Variants in SLC13A2 observed in about 807,000 individuals in gnomAD.
SLC13A2 encodes the protein Na(+)-coupled citrate transporter.
Under a neutral mutation model 58.5 loss-of-function variants are expected in SLC13A2, and 40 were observed. The ratio of observed to expected loss-of-function variants is 0.68; its 90% CI spans 0.53 to 0.89. SLC13A2 has a LOEUF of 0.89. Ranked by LOEUF, SLC13A2 falls within the 40% of genes least tolerant of loss-of-function variation. SLC13A2 has a pLI of 0.00. For missense variants in SLC13A2, 694 were observed against 772.6 expected (o/e 0.90, Z 1.21); for synonymous variants, 341 against 331.6 (o/e 1.03, Z -0.31).
Position 28,493,606 on chromosome 17 carries a change from A to C in SLC13A2, c.914A>C (p.Gln305Pro), listed in dbSNP as rs202060215. ...RKNFGIGEKM[Q>P]EQQQAAYCVI... ...AACTTTGGCATTGGGGAAAAGATGC[A>C]GGAGCAACAGCAGGCAGCCTACTGC... Residue 305 changes from glutamine to proline, a missense_variant, in exon 7 of 12, where the codon CAG becomes CCG. By Grantham distance (76) the Gln-to-Pro change is moderately conservative (BLOSUM62 -1). Coordinates refer to ENST00000314669, the MANE Select transcript of SLC13A2 (RefSeq NM_003984.4). 4 of 1,609,974 alleles carry C rather than the reference A, an allele frequency of 2.5e-6. No individual in the cohort carries two copies. The African/African-American group carries it at 5.3e-5, about 21-fold the overall frequency.
chr17:28,483,663 C>T (rs532216089), intron 1 of SLC13A2, among the ~76,000 whole-genome samples: 21 of 152,192 alleles, frequency 1.4e-4, no homozygotes, highest in Non-Finnish European at 2.9e-4. Flanking sequence ...TTAAAAAAAC[C>T]TTATTCCTAC....
In SLC13A2 at chr17:28,490,561, C is replaced by A. The variant is rs561026568; in HGVS notation, c.339C>A (p.Val113=). The part of the protein sequence containing the change: ...WNLHKRIALR[V]LLIVGVRPAP... ...TGCATAAACGCATCGCCCTCCGTGTCCTCCTCATCGTTGGGGTGCGGCCTG... is the reference window on the plus strand; with the variant it reads ...TGCATAAACGCATCGCCCTCCGTGTACTCCTCATCGTTGGGGTGCGGCCTG... Residue 113 remains valine, a synonymous_variant, in exon 3 of 12, where the codon GTC becomes GTA. Transcript: ENST00000314669. 2 of 1,608,150 alleles carry A rather than the reference C, an allele frequency of 1.2e-6. No homozygotes were observed. The highest frequency in any genetic ancestry group is 1.3e-5 in the African/African-American group (1 of 74,978).
chr17:28,482,397 T>C (rs1274077372), intron 1 of SLC13A2, among the ~76,000 whole-genome samples: 1 of 152,152 alleles, frequency 6.6e-6, no homozygotes. Flanking sequence ...TAGTCTTATG[T>C]ATTTTATTGG....
chr17:28,476,965 T>C (rs1160148566), intron 1 of SLC13A2, among the ~76,000 whole-genome samples: 3 of 150,820 alleles, frequency 2.0e-5, no homozygotes, highest in Non-Finnish European at 4.4e-5. Context: ...GAGACCAGCC[T>C]GGCCAACATG....
rs1555604196 is a variant in SLC13A2, at chr17:28,494,258, G to A, written c.1187-133G>A. On this transcript the variant is annotated intron_variant, in intron 8 of 11. Transcript: ENST00000314669. The surrounding 1 kb of genome is among the most constrained non-coding windows in gnomAD (Gnocchi z 4.0). ...CACAGGGACTCGGAGACAAAGTTGA[G>A]ATGTTGCAGAACTGAGGGTCCCCTC... 6.5e-7 allele frequency: 1 copy of A among 1,539,226 alleles called. No individual in the cohort carries two copies. The highest frequency in any genetic ancestry group is 2.3e-5 in the East Asian group (1 of 44,228).
At chr17:28,477,400 TA>T (rs2068701546) in intron 1 of SLC13A2, among the ~76,000 whole-genome samples, 1 of 151,676 alleles carries the variant, frequency 6.6e-6, no homozygotes, top group Admixed American at 6.6e-5. Context: ...TTCACCGTGT[TA>T]GCCAGGATGG....
chr17:28,495,780 C>T lies in SLC13A2; in HGVS notation c.1434C>T (p.Ala478=). The T allele has an allele frequency of 1.2e-6, 2 of 1,613,560 alleles. No homozygotes were observed. The highest frequency in any genetic ancestry group is 1.7e-6 in the Non-Finnish European group (2 of 1,179,940). The change falls in exon 10 of 12, where the codon GCC becomes GCT. Residue 478 remains alanine (A), a synonymous_variant. Coordinates refer to ENST00000314669, the MANE Select transcript of SLC13A2 (RefSeq NM_003984.4). ...TCACCGAGTGCACTAGCAACGTGGC[C>T]ACCACTACGATCTTCCTGCCCATCC... ...ATFTECTSNV[A]TTTIFLPILA... is the part of the protein sequence containing the mutation.
rs148394759 is a variant in SLC13A2 at position 28,490,877 on chromosome 17, C to T, written c.545C>T (p.Pro182Leu). The T allele has an allele frequency of 2.5e-6, 4 of 1,613,978 alleles. No homozygotes were observed. The highest frequency in any genetic ancestry group is 3.4e-6 in the Non-Finnish European group (4 of 1,179,962). ...AACCCCACCTTCGAGCTCCAGGAAC[C>T]AAGTCCCCAGAAGGAGGTGACCAAG... Reference protein sequence around the residue: ...SNNPTFELQEPSPQKEVTKLD... With the variant: ...SNNPTFELQELSPQKEVTKLD... The change falls in exon 4 of 12, where the codon CCA becomes CTA. Residue 182 changes from proline to leucine, a missense_variant. Physicochemically the swap from Pro to Leu is moderately conservative, Grantham distance 98. Coordinates refer to ENST00000314669, the MANE Select transcript of SLC13A2 (RefSeq NM_003984.4).
chr17:28,493,674 G>A lies in SLC13A2; in HGVS notation c.982G>A (p.Ala328Thr). 1 of 1,614,244 alleles carries A rather than the reference G, an allele frequency of 6.2e-7. No individual in the cohort carries two copies. The highest frequency in any genetic ancestry group is 8.5e-7 in the Non-Finnish European group (1 of 1,180,040). Residue 328 changes from alanine (A) to threonine (T), a missense_variant, in exon 7 of 12, where the codon GCA (alanine) becomes ACA (threonine). Transcript: ENST00000314669. Reference sequence around the variant, plus strand: ...CAGGCTGCTGGGCCCCATGACCTTTGCAGAAAAGGCCATCAGCATCCTATT... The same window carrying A: ...CAGGCTGCTGGGCCCCATGACCTTTACAGAAAAGGCCATCAGCATCCTATT... ...EHRLLGPMTFAEKAISILFVI... is the reference protein window; with the variant it reads ...EHRLLGPMTFTEKAISILFVI...
intron 1 of SLC13A2, among the ~76,000 whole-genome samples, chr17:28,475,724 G>A (rs1419863277): frequency 2.6e-5 from 4 of 152,080 alleles, no homozygotes; most frequent in Non-Finnish European, 4.4e-5. Flanking sequence ...CTGTCACCCC[G>A]TCTTTGCCGT....
rs1162033550 is a variant in SLC13A2 at position 28,489,233 on chromosome 17, C to T, written c.122C>T (p.Ala41Val). The change falls in exon 2 of 12, where the codon GCC becomes GTC. Residue 41 changes from alanine (A) to valine (V), a missense_variant. By Grantham distance (64) the Ala-to-Val change is moderately conservative. Transcript: ENST00000314669. ...CTGCAGGAGGCCTACTGCGCGTATG[C>T]CATCATCCTCATGGCGCTCTTCTGG... ...VPSKEAYCAY[A>V]IILMALFWCT... 2 of 1,613,888 alleles carry T rather than the reference C, an allele frequency of 1.2e-6. No homozygotes were observed. The highest frequency in any genetic ancestry group is 2.7e-5 in the African/African-American group (2 of 75,034).
rs1555604196 is a variant in SLC13A2 at position 28,494,258 on chromosome 17, G to C, written c.1187-133G>C. Reference sequence around the variant, plus strand: ...CACAGGGACTCGGAGACAAAGTTGAGATGTTGCAGAACTGAGGGTCCCCTC... The same window carrying C: ...CACAGGGACTCGGAGACAAAGTTGACATGTTGCAGAACTGAGGGTCCCCTC... On this transcript the variant is annotated intron_variant, in intron 8 of 11. Coordinates refer to ENST00000314669, the MANE Select transcript of SLC13A2 (RefSeq NM_003984.4). This position sits in a 1 kb window ranked among gnomAD's most constrained non-coding sequence, Gnocchi z 4.0. 1.3e-6 allele frequency: 2 copies of C among 1,539,226 alleles called. No homozygotes were observed. Among genetic ancestry groups the C allele is most frequent in the Non-Finnish European group, 8.9e-7 (1 of 1,117,804 alleles).
chr17:28,477,480 C>T (rs1483271774), intron 1 of SLC13A2, among the ~76,000 whole-genome samples: 2 of 151,754 alleles, frequency 1.3e-5, no homozygotes, highest in Admixed American at 1.3e-4. Flanking sequence ...AGGCGTGAGC[C>T]ACCATGCCCG....
rs1567854958 is a variant in SLC13A2, at chr17:28,490,691, C to G, written c.369-10C>G. Reference sequence around the variant, plus strand: ...CTGGAACAGCAGTGTGTCTGTCTGCCCATCCCTAGGCTAATCCTGGGCTTC... The same window carrying G: ...CTGGAACAGCAGTGTGTCTGTCTGCGCATCCCTAGGCTAATCCTGGGCTTC... On this transcript the variant is annotated splice_polypyrimidine_tract_variant and intron_variant, in intron 3 of 11. Coordinates refer to ENST00000314669, the MANE Select transcript of SLC13A2 (RefSeq NM_003984.4). 6.2e-7 allele frequency: 1 copy of G among 1,606,642 alleles called. No homozygotes were observed. Among genetic ancestry groups the G allele is most frequent in the East Asian group, 2.2e-5 (1 of 44,646 alleles).
At chr17:28,473,851 G>A (rs781864658) in intron 1 of SLC13A2, 37 bp downstream of exon 1, 22 of 1,578,750 alleles carry the variant, frequency 1.4e-5, no homozygotes, top group Admixed American at 1.0e-4. Context: ...ATAACTCCAG[G>A]GGGCAGAGGA....
At chr17:28,479,326 G>A (rs1429638550) in intron 1 of SLC13A2, among the ~76,000 whole-genome samples, 2 of 152,162 alleles carry the variant, frequency 1.3e-5, no homozygotes, top group African/African-American at 4.8e-5. Context: ...CAAATTGAAG[G>A]GATTAAGCAA....
In SLC13A2 at chr17:28,494,226, C is replaced by A; in HGVS notation, c.1186+121C>A. On this transcript the variant is annotated intron_variant, in intron 8 of 11. Transcript: ENST00000314669. The surrounding 1 kb of genome is among the most constrained non-coding windows in gnomAD (Gnocchi z 4.0). Reference sequence around the variant, plus strand: ...AGCCCAGAAAGGCTGGAGCGACTTGCCAAGGGCACAGGGACTCGGAGACAA... The same window carrying A: ...AGCCCAGAAAGGCTGGAGCGACTTGACAAGGGCACAGGGACTCGGAGACAA... 6.7e-7 allele frequency: 1 copy of A among 1,484,742 alleles called. No homozygotes were observed. The highest frequency in any genetic ancestry group is 9.3e-7 in the Non-Finnish European group (1 of 1,071,992). 92.0% of individuals were successfully genotyped at this position (1,484,742 alleles called of 1,614,324 possible).
At chr17:28,481,001 G>A (rs1166669132) in intron 1 of SLC13A2, among the ~76,000 whole-genome samples, 4 of 152,294 alleles carry the variant, frequency 2.6e-5, no homozygotes, top group East Asian at 3.9e-4. Flanking sequence ...GATCCCTGGC[G>A]TAGAGTCCCC....
At chr17:28,482,286 A>T (rs886538742) in intron 1 of SLC13A2, among the ~76,000 whole-genome samples, 2 of 151,618 alleles carry the variant, frequency 1.3e-5, no homozygotes, top group African/African-American at 2.4e-5. Context: ...TCCTGGGCTC[A>T]AGAAATCCTC....
Sources: allele counts gnomAD v4.1 joint callset (sites outside exome capture counted in the v4.1 genomes callset), GRCh38; gene constraint gnomAD v4.1.1; non-coding constraint Gnocchi (gnomAD v3.1); transcripts MANE v1.5; gene names NCBI Gene and HGNC (gene_info 2026-07-23, HGNC 2026-07-21).